The following ITGA9 variants were observed in gnomAD, a reference collection of about 807,000 sequenced individuals.
ITGA9 encodes the protein integrin alpha-9.
ITGA9 carries 56 observed loss-of-function variants against 127.8 expected under a neutral mutation model. The ratio of observed to expected loss-of-function variants is 0.44; its 90% CI spans 0.35 to 0.55. The LOEUF (loss-of-function observed/expected upper bound fraction) is 0.55, where lower values mean the gene tolerates loss of function less well. ITGA9 is among the 20% of genes least tolerant of loss of function. The pLI is 0.00. For synonymous variants in ITGA9, 508 were observed against 514.5 expected, an observed-to-expected ratio of 0.99 and a Z score of 0.17; for missense variants, 1,196 against 1,347.1, an observed-to-expected ratio of 0.89 and a Z score of 1.76.
intron 23 of ITGA9, among the ~76,000 whole-genome samples, chr3:37,765,949 G>A (rs1053944070): frequency 1.3e-5 from 2 of 152,222 alleles, no homozygotes; most frequent in Non-Finnish European, 1.5e-5. Flanking sequence ...ATGCCGATGC[G>A]TAGGTGCCTG....
At chr3:37,526,145 C>A in intron 13 of ITGA9, 74 bp downstream of exon 13, 3 of 1,258,318 alleles carry the variant, frequency 2.4e-6, no homozygotes, top group Non-Finnish European at 3.5e-6. Context: ...CATTCATGGG[C>A]TCTTTCCTCT....
rs563750720 is a variant in ITGA9 at position 37,530,792 on chromosome 3, C to G, written c.1374-2522C>G. ...TTTGAGACGGAGTCTCCCGCTGTCACCAAGGCTGGAGTGCAGTGGCGCGAT... is the reference window on the plus strand; with the variant it reads ...TTTGAGACGGAGTCTCCCGCTGTCAGCAAGGCTGGAGTGCAGTGGCGCGAT... On this transcript the variant is annotated intron_variant, in intron 13 of 27. Transcript: ENST00000264741. Among the ~76,000 whole-genome samples, 275 of 126,658 alleles carry G rather than the reference C, an allele frequency of 2.2e-3. 2 individuals are homozygous for G. The highest frequency in any genetic ancestry group is 8.4e-3 in the African/African-American group (257 of 30,768). 83.1% of individuals were successfully genotyped at this position (126,658 alleles called of 152,430 possible).
intron 18 of ITGA9, among the ~76,000 whole-genome samples, chr3:37,712,479 A>C (rs753267994): frequency 1.3e-5 from 2 of 152,192 alleles, no homozygotes; most frequent in Non-Finnish European, 2.9e-5. Flanking sequence ...TACTTGTTTT[A>C]ACTCTTCTAG....
At chr3:37,469,723 T>C (rs1036235669) in intron 1 of ITGA9, among the ~76,000 whole-genome samples, 7 of 152,220 alleles carry the variant, frequency 4.6e-5, no homozygotes, top group African/African-American at 1.7e-4. Flanking sequence ...CAGTATTGTA[T>C]TTGTGCAGTT....
intron 17 of ITGA9, among the ~76,000 whole-genome samples, chr3:37,655,306 C>T (rs1700466768): frequency 6.6e-6 from 1 of 152,182 alleles, no homozygotes; most frequent in South Asian, 2.1e-4. Flanking sequence ...TTTACACTCC[C>T]ACCAACAGTG....
At chr3:37,470,061 C>G (rs1171105022) in intron 1 of ITGA9, among the ~76,000 whole-genome samples, 1 of 151,858 alleles carries the variant, frequency 6.6e-6, no homozygotes, top group African/African-American at 2.4e-5. Context: ...CCTCCCAGTG[C>G]TGCATAGAAT....
chr3:37,784,993 T>C lies in ITGA9; in HGVS notation c.2804T>C (p.Ile935Thr), dbSNP rs1398511511. The change falls in exon 26 of 28, where the codon ATC becomes ACC. Residue 935 changes from isoleucine (I) to threonine (T), a missense_variant. Transcript: ENST00000264741. The part of the protein sequence containing the change: ...EILKKDSSSV[I>T]QFMSRAKVKV... ...CTTCCACAGGACAGTTCGTCTGTCA[T>C]CCAGTTCATGTCCCGCGCCAAGGTG... The C allele has an allele frequency of 6.2e-7, 1 of 1,614,006 alleles. No individual in the cohort carries two copies. The highest frequency in any genetic ancestry group is 2.2e-5 in the East Asian group (1 of 44,862).
rs1697523136 is a variant in ITGA9, at chr3:37,822,215, T to C, written c.*3226T>C. 1 of 152,196 alleles carries C rather than the reference T, an allele frequency of 6.6e-6. No individual in the cohort carries two copies. Among genetic ancestry groups the C allele is most frequent in the African/African-American group, 2.4e-5 (1 of 41,430 alleles). 9.4% of individuals were successfully genotyped at this position (152,196 alleles called of 1,614,324 possible). On this transcript the variant is annotated 3_prime_UTR_variant, in exon 28 of 28. Transcript: ENST00000264741. ...TATTTCAGTTTCCTTCAGCTTTTAG[T>C]TGAATCTTCAATGTGGTTTTAACCA...
rs1372463656 is a variant in ITGA9, at chr3:37,494,547, G to C, written c.591G>C (p.Gly197=). ...AGGAACACGGCTCCTGCCAGGCTGG[G>C]ATAGCGGGCTTCTTCACCGAGGTGG... ...YGEEHGSCQA[G]IAGFFTEELV... Residue 197 remains glycine, a synonymous_variant, in exon 5 of 28, where the codon GGG becomes GGC. Coordinates refer to ENST00000264741, the MANE Select transcript of ITGA9 (RefSeq NM_002207.3). 1.2e-6 allele frequency: 2 copies of C among 1,613,918 alleles called. No homozygotes were observed. Among genetic ancestry groups the C allele is most frequent in the South Asian group, 1.1e-5 (1 of 91,060 alleles).
intron 16 of ITGA9, among the ~76,000 whole-genome samples, chr3:37,637,295 C>G (rs1431116478): frequency 6.6e-6 from 1 of 152,108 alleles, no homozygotes; most frequent in African/African-American, 2.4e-5. Flanking sequence ...TGTTTGTATC[C>G]TCTTTTATTT....
chr3:37,558,420 C>G (rs1000322102), intron 15 of ITGA9, among the ~76,000 whole-genome samples: 2 of 152,204 alleles, frequency 1.3e-5, no homozygotes, highest in Non-Finnish European at 2.9e-5. Context: ...ATTCGGGGCA[C>G]TGTCTTACTT....
intron 4 of ITGA9, among the ~76,000 whole-genome samples, chr3:37,491,528 A>G (rs76714460): frequency 0.014 from 2,068 of 152,256 alleles, 33 homozygotes; most frequent in African/African-American, 0.037. Flanking sequence ...CTTCCTGGGA[A>G]CACAGGAGAC....
At chr3:37,579,984 G>A (rs987420167) in intron 15 of ITGA9, among the ~76,000 whole-genome samples, 1 of 152,152 alleles carries the variant, frequency 6.6e-6, no homozygotes. Context: ...TGTTTTTAAT[G>A]ATAAAGAATC....
chr3:37,488,820 AAAAT>A (rs1698637775), intron 4 of ITGA9, among the ~76,000 whole-genome samples: 1 of 152,144 alleles, frequency 6.6e-6, no homozygotes, highest in Non-Finnish European at 1.5e-5. Context: ...AATATTGTAA[AAAAT>A]AAATAACATA....
intron 17 of ITGA9, among the ~76,000 whole-genome samples, chr3:37,676,338 C>G (rs1700682279): frequency 6.6e-6 from 1 of 152,224 alleles, no homozygotes; most frequent in African/African-American, 2.4e-5. Flanking sequence ...TTTAAGCGCT[C>G]AAATGCCACA....
At chr3:37,709,722 C>T (rs563052465) in intron 18 of ITGA9, among the ~76,000 whole-genome samples, 1 of 152,358 alleles carries the variant, frequency 6.6e-6, no homozygotes, top group South Asian at 2.1e-4. Context: ...ATGGGAACAT[C>T]ATCACCTTCA....
chr3:37,467,846 G>C (rs771648690), intron 1 of ITGA9, among the ~76,000 whole-genome samples: 1 of 152,042 alleles, frequency 6.6e-6, no homozygotes, highest in Non-Finnish European at 1.5e-5. Context: ...GTTTAGACAG[G>C]GCAAACTGCT....
At chr3:37,551,303 C>T (rs1275486928) in intron 15 of ITGA9, among the ~76,000 whole-genome samples, 10 of 152,162 alleles carry the variant, frequency 6.6e-5, no homozygotes. Flanking sequence ...TCTGAAGATG[C>T]ACAGCAGCCT....
intron 15 of ITGA9, among the ~76,000 whole-genome samples, chr3:37,623,673 A>G (rs11707998): frequency 7.6e-5 from 9 of 118,170 alleles, no homozygotes; most frequent in Non-Finnish European, 1.1e-4. Context: ...GTGTGTGTGT[A>G]TGTGTGTGTG....
Sources: allele counts gnomAD v4.1 joint callset (sites outside exome capture counted in the v4.1 genomes callset), GRCh38; gene constraint gnomAD v4.1.1; transcripts MANE v1.5; gene names NCBI Gene and HGNC (gene_info 2026-07-23, HGNC 2026-07-21).